ZMAT4: variants seen among roughly 807,000 people sequenced by gnomAD.
ZMAT4 encodes the protein zinc finger matrin-type protein 4.
In ZMAT4, 17 loss-of-function variants were observed where a neutral mutation model predicts 28.7. The ratio of observed to expected loss-of-function variants is 0.59; its 90% CI spans 0.41 to 0.89. The LOEUF is 0.89. Among genes scored for constraint, ZMAT4 ranks in the 40% least tolerant of loss-of-function variants. The pLI is 0.00. For missense variants in ZMAT4, 240 were observed against 283.8 expected (o/e 0.85, Z 1.11); for synonymous variants, 117 against 109.2 (o/e 1.07, Z -0.44).
At chr8:40,649,623 T>G (rs898718535) in intron 5 of ZMAT4, among the ~76,000 whole-genome samples, 1 of 151,902 alleles carries the variant, frequency 6.6e-6, no homozygotes. Flanking sequence ...AGAATATACA[T>G]TTTTTTCAGC....
At chr8:40,682,751 G>A (rs1488008464) in intron 4 of ZMAT4, among the ~76,000 whole-genome samples, 1 of 152,074 alleles carries the variant, frequency 6.6e-6, no homozygotes, top group Non-Finnish European at 1.5e-5. Context: ...TACCCACACT[G>A]CATTCATATA....
intron 5 of ZMAT4, among the ~76,000 whole-genome samples, chr8:40,643,476 CTAAA>C (rs752963988): frequency 2.8e-4 from 43 of 152,118 alleles, no homozygotes; most frequent in Non-Finnish European, 4.7e-4. Context: ...TATTGAGTCA[CTAAA>C]TAAATACTTC....
chr8:40,688,230 G>A (rs1018246114), intron 4 of ZMAT4, among the ~76,000 whole-genome samples: 1 of 152,112 alleles, frequency 6.6e-6, no homozygotes, highest in Admixed American at 6.5e-5. Context: ...GGCCCAGACA[G>A]GTGGATCACA....
chr8:40,624,143 A>G (rs1242903337), intron 5 of ZMAT4, among the ~76,000 whole-genome samples: 1 of 152,184 alleles, frequency 6.6e-6, no homozygotes. Context: ...CTAAACCCCA[A>G]TGCTAATGCA....
chr8:40,560,605 GAGA>G (rs2118464878), intron 6 of ZMAT4, among the ~76,000 whole-genome samples: 1 of 152,164 alleles, frequency 6.6e-6, no homozygotes, highest in East Asian at 1.9e-4. Context: ...AATAAAGACA[GAGA>G]AGATCATGGT....
chr8:40,735,725 T>C (rs1184618670), intron 3 of ZMAT4, among the ~76,000 whole-genome samples: 2 of 152,206 alleles, frequency 1.3e-5, no homozygotes, highest in Non-Finnish European at 2.9e-5. Flanking sequence ...CAATAGTCTC[T>C]GTAAAGCAGT....
chr8:40,828,500 G>A (rs751543515), intron 1 of ZMAT4, among the ~76,000 whole-genome samples: 9 of 151,886 alleles, frequency 5.9e-5, no homozygotes, highest in Admixed American at 3.9e-4. Flanking sequence ...TCTGAGTCTC[G>A]GTAAAGCAGC....
intron 5 of ZMAT4, among the ~76,000 whole-genome samples, chr8:40,614,826 C>T (rs900934945): frequency 2.0e-4 from 30 of 152,018 alleles, no homozygotes; most frequent in African/African-American, 6.8e-4. Flanking sequence ...TGTCTCTGCA[C>T]GTGAGATGGG....
rs10101463 is a variant in ZMAT4 at position 40,788,359 on chromosome 8, C to T, written c.103-20629G>A. On this transcript the variant is annotated intron_variant, in intron 2 of 6. Coordinates refer to ENST00000297737, the MANE Select transcript of ZMAT4 (RefSeq NM_024645.3). ...CAGCATTTTGGGAGGCCGGGGCAGG[C>T]GGATCACGAGGTCAGGAGATCGAGA... is the stretch of plus-strand genomic sequence containing the variant. Among the ~76,000 whole-genome samples the T allele has an allele frequency of 3.2e-3, 486 of 152,186 alleles. 3 individuals are homozygous for T. The highest frequency in any genetic ancestry group is 0.01 in the African/African-American group (417 of 41,530).
intron 5 of ZMAT4, among the ~76,000 whole-genome samples, chr8:40,648,317 G>A (rs1408431795): frequency 6.6e-6 from 1 of 150,834 alleles, no homozygotes; most frequent in Non-Finnish European, 1.5e-5. Flanking sequence ...TGGAAGAAAG[G>A]GTATCAGCAA....
At chr8:40,808,244 T>C (rs1261595749) in intron 2 of ZMAT4, among the ~76,000 whole-genome samples, 1 of 140,092 alleles carries the variant, frequency 7.1e-6, no homozygotes, top group Non-Finnish European at 1.6e-5. Flanking sequence ...TTCCTTTCCC[T>C]TCATTTAAGA....
intron 6 of ZMAT4, among the ~76,000 whole-genome samples, chr8:40,579,389 G>T (rs949907358): frequency 1.3e-5 from 2 of 152,148 alleles, no homozygotes; most frequent in African/African-American, 4.8e-5. Context: ...GTTACTTAGA[G>T]AAATGATGAA....
chr8:40,770,989 T>G (rs1439924571), intron 2 of ZMAT4, among the ~76,000 whole-genome samples: 2 of 152,134 alleles, frequency 1.3e-5, no homozygotes, highest in African/African-American at 2.4e-5. Context: ...AAAACTTTCC[T>G]ACAACAAGAA....
intron 1 of ZMAT4, among the ~76,000 whole-genome samples, chr8:40,879,277 G>C (rs1005879903): frequency 6.6e-6 from 1 of 152,128 alleles, no homozygotes; most frequent in Non-Finnish European, 1.5e-5. Flanking sequence ...TAAAAAATTA[G>C]CCAGGCATGG....
At chr8:40,769,398 CTT>C (rs561194960) in intron 2 of ZMAT4, among the ~76,000 whole-genome samples, 92 of 152,210 alleles carry the variant, frequency 6.0e-4, no homozygotes, top group African/African-American at 2.1e-3. Context: ...ATATTTTTCT[CTT>C]TGCAAATAAA....
intron 2 of ZMAT4, chr8:40,786,569 C>T: frequency 3.0e-6 from 2 of 657,656 alleles, no homozygotes; most frequent in South Asian, 3.8e-5. Context: ...TTATTGCTAC[C>T]AAAACAAAGA....
chr8:40,624,133 C>A (rs79891920), intron 5 of ZMAT4, among the ~76,000 whole-genome samples: 6 of 152,174 alleles, frequency 3.9e-5, no homozygotes, highest in African/African-American at 1.4e-4. Context: ...TGTTGAAGCC[C>A]TAAACCCCAA....
chr8:40,683,313 G>A, intron 4 of ZMAT4, among the ~76,000 whole-genome samples: 1 of 152,118 alleles, frequency 6.6e-6, no homozygotes, highest in East Asian at 1.9e-4. Flanking sequence ...TATACTCATG[G>A]TATTAAATCT....
chr8:40,633,527 G>T (rs1241323999), intron 5 of ZMAT4, among the ~76,000 whole-genome samples: 1 of 152,206 alleles, frequency 6.6e-6, no homozygotes, highest in Non-Finnish European at 1.5e-5. Context: ...CAGTTAGTGA[G>T]GGTAGCACAT....
Sources: allele counts gnomAD v4.1 joint callset (sites outside exome capture counted in the v4.1 genomes callset), GRCh38; gene constraint gnomAD v4.1.1; transcripts MANE v1.5; gene names NCBI Gene and HGNC (gene_info 2026-07-23, HGNC 2026-07-21).